The following FSTL4 variants were observed in gnomAD, a reference collection of about 807,000 sequenced individuals.
The protein encoded by FSTL4 is follistatin like 4.
FSTL4 carries 28 observed loss-of-function variants against 78.2 expected under a neutral mutation model. That is an observed-to-expected ratio of 0.36 (90% CI 0.27 to 0.49). FSTL4 has a LOEUF of 0.49. Among genes scored for constraint, FSTL4 ranks in the 20% least tolerant of loss-of-function variants. The pLI, the probability that FSTL4 is intolerant of heterozygous loss-of-function variation, is 0.98. For synonymous variants in FSTL4, 422 were observed against 440.5 expected (o/e 0.96, Z 0.53); for missense variants, 922 against 1,084.9 (o/e 0.85, Z 2.11).
intron 2 of FSTL4, among the ~76,000 whole-genome samples, chr5:133,580,604 G>T (rs987025602): frequency 6.6e-6 from 1 of 152,240 alleles, no homozygotes; most frequent in Admixed American, 6.5e-5. Flanking sequence ...GAAAGGATTT[G>T]CTGTGTGACA....
intron 14 of FSTL4, among the ~76,000 whole-genome samples, chr5:133,203,389 CT>C (rs1750390349): frequency 6.6e-6 from 1 of 152,180 alleles, no homozygotes; most frequent in African/African-American, 2.4e-5. Context: ...GAGCTGCCTT[CT>C]GGCTTTTACT....
At chr5:133,556,970 G>T (rs983555517) in intron 3 of FSTL4, among the ~76,000 whole-genome samples, 1 of 152,130 alleles carries the variant, frequency 6.6e-6, no homozygotes, top group African/African-American at 2.4e-5. Context: ...ATGTGCTTTG[G>T]CTAAAGTGCT....
the FSTL4 span, among the ~76,000 whole-genome samples, chr5:133,691,784 G>C: frequency 1.3e-5 from 2 of 152,014 alleles, no homozygotes; most frequent in Non-Finnish European, 2.9e-5. Context: ...GCCTGCACAG[G>C]GATAAGGGTC....
At chr5:133,352,377 T>TATATATATACACACAC (rs1754851231) in intron 4 of FSTL4, among the ~76,000 whole-genome samples, 1 of 146,824 alleles carries the variant, frequency 6.8e-6, no homozygotes, top group Admixed American at 6.9e-5. Flanking sequence ...TATACACATA[T>TATATATATACACACAC]ATATATATAC....
the FSTL4 span, among the ~76,000 whole-genome samples, chr5:133,791,846 T>G: frequency 6.6e-6 from 1 of 152,244 alleles, no homozygotes; most frequent in Non-Finnish European, 1.5e-5. Flanking sequence ...CCTCTAGCCA[T>G]CTTCCCATTC....
At chr5:133,296,659 C>T (rs7706742) in intron 6 of FSTL4, among the ~76,000 whole-genome samples, 56,382 of 152,012 alleles carry the variant, frequency 0.37, 11,372 homozygotes, top group Middle Eastern at 0.54. Context: ...CCTGGGCTAT[C>T]GTATTTAATT....
the FSTL4 span, among the ~76,000 whole-genome samples, chr5:133,775,345 T>C: frequency 6.6e-6 from 1 of 152,214 alleles, no homozygotes; most frequent in Non-Finnish European, 1.5e-5. Context: ...AGCTTCTGCC[T>C]TCCCAGTAAG....
chr5:133,700,985 G>A, the FSTL4 span, among the ~76,000 whole-genome samples: 4 of 152,204 alleles, frequency 2.6e-5, no homozygotes, highest in African/African-American at 4.8e-5. Context: ...TCATTCAGAC[G>A]CAGGCGGAAA....
At position 133,236,755 on chromosome 5, in the gene FSTL4, T is replaced by C. The variant is rs1163740097; in HGVS notation, c.895-3218A>G. On this transcript the variant is annotated intron_variant, in intron 7 of 15. Transcript: ENST00000265342. This position sits in a 1 kb window ranked among gnomAD's most constrained non-coding sequence, Gnocchi z 5.0. ...CATGCTCCCCTCCTCCCAGGCTGTC[T>C]GTCTGTCTCCCTCTCCTGCAAGTCT... Among the ~76,000 whole-genome samples, 3 of 152,236 alleles carry C rather than the reference T, an allele frequency of 2.0e-5. No individual in the cohort carries two copies. Among genetic ancestry groups the C allele is most frequent in the Admixed American group, 2.0e-4 (3 of 15,282 alleles).
At chr5:133,535,353 G>A (rs1030202190) in intron 3 of FSTL4, among the ~76,000 whole-genome samples, 1 of 152,250 alleles carries the variant, frequency 6.6e-6, no homozygotes, top group Non-Finnish European at 1.5e-5. Context: ...AAGCTGGAAG[G>A]TTGTGGGTTT....
chr5:133,337,490 T>C (rs1315004802), intron 4 of FSTL4, among the ~76,000 whole-genome samples: 1 of 152,178 alleles, frequency 6.6e-6, no homozygotes, highest in Non-Finnish European at 1.5e-5. Context: ...TCCATTTATC[T>C]GGATTGCATC....
intron 6 of FSTL4, among the ~76,000 whole-genome samples, chr5:133,289,349 C>T (rs933975612): frequency 2.0e-5 from 3 of 152,232 alleles, no homozygotes; most frequent in Admixed American, 2.0e-4. Context: ...ATATATCCCA[C>T]CTTCATTCTT....
the FSTL4 span, among the ~76,000 whole-genome samples, chr5:133,673,592 A>G: frequency 6.6e-6 from 1 of 152,252 alleles, no homozygotes; most frequent in African/African-American, 2.4e-5. Flanking sequence ...TTGTGGATTC[A>G]AATTCAACTC....
intron 4 of FSTL4, among the ~76,000 whole-genome samples, chr5:133,349,004 T>TA (rs748157763): frequency 4.0e-4 from 61 of 152,194 alleles, no homozygotes; most frequent in Non-Finnish European, 8.1e-4. Flanking sequence ...AACTGCCACT[T>TA]AGAGTCCTGA....
At position 133,456,587 on chromosome 5, in the gene FSTL4, G is replaced by T. The variant is rs974672617; in HGVS notation, c.161-55601C>A. Among the ~76,000 whole-genome samples the T allele has an allele frequency of 5.3e-5, 8 of 152,158 alleles. 1 individual carries two copies. The East Asian group carries it at 1.3e-3, about 26-fold the overall frequency. On this transcript the variant is annotated intron_variant, in intron 3 of 15. Coordinates refer to ENST00000265342, the MANE Select transcript of FSTL4 (RefSeq NM_015082.2). The stretch of plus-strand genomic sequence containing the variant: ...AGGCCAACAGCCCTTGGTGGTCACT[G>T]GCACTTTGGGTTAGGACCCAATAGT...
intron 3 of FSTL4, among the ~76,000 whole-genome samples, chr5:133,505,263 C>A (rs1758590382): frequency 6.6e-6 from 1 of 151,710 alleles, no homozygotes; most frequent in Non-Finnish European, 1.5e-5. Context: ...TTTTTATAAC[C>A]AGAAAAAAAC....
chr5:133,601,044 A>G (rs139543378), intron 2 of FSTL4, among the ~76,000 whole-genome samples: 56 of 152,340 alleles, frequency 3.7e-4, no homozygotes, highest in African/African-American at 1.3e-3. Context: ...TATAACACGC[A>G]AGGACTATCT....
chr5:133,621,710 T>G, the FSTL4 span, among the ~76,000 whole-genome samples: 1 of 151,952 alleles, frequency 6.6e-6, no homozygotes, highest in Non-Finnish European at 1.5e-5. Flanking sequence ...AAGAACTTAC[T>G]TATGTAACCA....
At position 133,395,459 on chromosome 5, in the gene FSTL4, C is replaced by T. The variant is rs957305956; in HGVS notation, c.409+5279G>A. ...TCCAAACATCAGAAGGAACAAACTCCGGACACACCATCTTTAAGAACTTGT... is the reference window on the plus strand; with the variant it reads ...TCCAAACATCAGAAGGAACAAACTCTGGACACACCATCTTTAAGAACTTGT... On this transcript the variant is annotated intron_variant, in intron 4 of 15. Transcript: ENST00000265342. Among the ~76,000 whole-genome samples, 4 of 152,186 alleles carry T rather than the reference C, an allele frequency of 2.6e-5. No individual in the cohort carries two copies. The East Asian group carries it at 5.8e-4, about 22-fold the overall frequency.
Sources: allele counts gnomAD v4.1 joint callset (sites outside exome capture counted in the v4.1 genomes callset), GRCh38; gene constraint gnomAD v4.1.1; non-coding constraint Gnocchi (gnomAD v3.1); transcripts MANE v1.5; gene names NCBI Gene and HGNC (gene_info 2026-07-23, HGNC 2026-07-21).